The following NTRK2 variants were observed in gnomAD, a reference collection of about 807,000 sequenced individuals.
NTRK2 encodes BDNF/NT-3 growth factors receptor.
NTRK2 carries 13 observed loss-of-function variants against 94.5 expected under a neutral mutation model. The observed-to-expected ratio is 0.14, with a 90% confidence interval of 0.09 to 0.22. The LOEUF (loss-of-function observed/expected upper bound fraction) is 0.22. NTRK2 is among the 10% of genes least tolerant of loss of function. The probability of loss-of-function intolerance (pLI) is 1.00; values close to 1 mark genes in which losing one functional copy is unlikely to be tolerated. For missense variants in NTRK2, 639 were observed against 1,071.2 expected (o/e 0.60, Z 5.63); for synonymous variants, 372 against 407.4 (o/e 0.91, Z 1.05).
At chr9:84,918,446 T>C (rs1162732273) in intron 14 of NTRK2, among the ~76,000 whole-genome samples, 1 of 152,210 alleles carries the variant, frequency 6.6e-6, no homozygotes, top group Non-Finnish European at 1.5e-5. Flanking sequence ...TGACATTAGA[T>C]GCAGGGATTC....
chr9:84,908,605 A>G (rs142662719), intron 14 of NTRK2, among the ~76,000 whole-genome samples: 11 of 152,356 alleles, frequency 7.2e-5, no homozygotes, highest in African/African-American at 2.4e-4. Context: ...TAAAAACATT[A>G]AGTCAACAAA....
intron 6 of NTRK2, among the ~76,000 whole-genome samples, chr9:84,721,814 C>A (rs1027055034): frequency 1.3e-5 from 2 of 152,018 alleles, no homozygotes; most frequent in African/African-American, 4.8e-5. Flanking sequence ...GAATCTTTTT[C>A]GTAATTTTTA....
chr9:84,895,346 A>C (rs769545196), intron 14 of NTRK2, among the ~76,000 whole-genome samples: 2 of 152,196 alleles, frequency 1.3e-5, no homozygotes, highest in Admixed American at 6.5e-5. Flanking sequence ...GCAGCCTTTC[A>C]TAAAAGTCTT....
At chr9:84,766,151 G>C (rs2066003635) in intron 12 of NTRK2, among the ~76,000 whole-genome samples, 2 of 152,134 alleles carry the variant, frequency 1.3e-5, no homozygotes, top group African/African-American at 4.8e-5. Flanking sequence ...GGGCTTTGCT[G>C]TGTTTAAATA....
At chr9:84,722,714 T>C (rs117335285) in intron 6 of NTRK2, among the ~76,000 whole-genome samples, 2,253 of 152,300 alleles carry the variant, frequency 0.015, 25 homozygotes, top group Middle Eastern at 0.034. Flanking sequence ...CCACACTCAG[T>C]TGGTGTGATA....
At chr9:84,875,329 ATAGCTGG>A in intron 14 of NTRK2, 1 of 1,060,256 alleles carries the variant, frequency 9.4e-7, no homozygotes, top group Non-Finnish European at 1.1e-6. Context: ...GGGTCTGGCC[ATAGCTGG>A]CCACGTCAGA....
intron 14 of NTRK2, among the ~76,000 whole-genome samples, chr9:84,868,407 G>A (rs2075692487): frequency 6.6e-6 from 1 of 152,134 alleles, no homozygotes; most frequent in African/African-American, 2.4e-5. Context: ...TCAGATCTGT[G>A]CATATATAAG....
intron 17 of NTRK2, among the ~76,000 whole-genome samples, chr9:84,996,788 A>G (rs1829802188): frequency 6.6e-6 from 1 of 152,244 alleles, no homozygotes; most frequent in Non-Finnish European, 1.5e-5. Flanking sequence ...AGATATAGAA[A>G]GAGGTAGAGA....
chr9:85,016,676 G>A (rs368674475), intron 17 of NTRK2, among the ~76,000 whole-genome samples: 1 of 152,092 alleles, frequency 6.6e-6, no homozygotes, highest in East Asian at 1.9e-4. Flanking sequence ...TGGGGGGAGG[G>A]TCTACTTTTG....
chr9:84,865,479 G>A (rs2075548121), intron 13 of NTRK2, among the ~76,000 whole-genome samples: 1 of 152,154 alleles, frequency 6.6e-6, no homozygotes, highest in South Asian at 2.1e-4. Flanking sequence ...GGATCTTGGA[G>A]GTTGGGGGAT....
chr9:84,830,623 G>A lies in NTRK2; in HGVS notation c.1397-30417G>A, dbSNP rs559397746. 2.0e-5 allele frequency among the ~76,000 whole-genome samples: 3 copies of A among 152,106 alleles called. 1 individual carries two copies. Among genetic ancestry groups the A allele is most frequent in the African/African-American group, 7.2e-5 (3 of 41,486 alleles). On this transcript the variant is annotated intron_variant, in intron 12 of 18. Coordinates refer to ENST00000277120, the MANE Select transcript of NTRK2 (RefSeq NM_006180.6). ...TTAGCCTATAAGAGAGAAAGGAGAT[G>A]TTATAGATTATTGAACAAAATATGC...
At chr9:84,760,770 G>A (rs925037789) in intron 12 of NTRK2, among the ~76,000 whole-genome samples, 1 of 152,286 alleles carries the variant, frequency 6.6e-6, no homozygotes, top group Non-Finnish European at 1.5e-5. Context: ...GAATGGGAGG[G>A]GGATGGGACC....
At chr9:84,793,454 G>T (rs866953903) in intron 12 of NTRK2, among the ~76,000 whole-genome samples, 10 of 152,284 alleles carry the variant, frequency 6.6e-5, no homozygotes, top group Non-Finnish European at 2.9e-5. Context: ...TTGAGAGGCT[G>T]CATTTTTCAT....
chr9:84,896,513 C>T (rs997341367), intron 14 of NTRK2, among the ~76,000 whole-genome samples: 1 of 152,182 alleles, frequency 6.6e-6, no homozygotes, highest in Non-Finnish European at 1.5e-5. Context: ...GATGTTAGGC[C>T]TCAGTGGTGT....
Position 84,841,295 on chromosome 9 carries a change from G to A in NTRK2, c.1397-19745G>A, listed in dbSNP as rs547412463. Among the ~76,000 whole-genome samples the A allele has an allele frequency of 8.7e-4, 132 of 152,278 alleles. 1 individual carries two copies. The highest frequency in any genetic ancestry group is 2.2e-3 in the African/African-American group (93 of 41,554). On this transcript the variant is annotated intron_variant, in intron 12 of 18. Transcript: ENST00000277120. ...AACACAGAGCGCTGAGCTGTCCCAT[G>A]AGATGTGACCCTCCCACAATCAAAC... is the stretch of plus-strand genomic sequence containing the variant.
intron 2 of NTRK2, among the ~76,000 whole-genome samples, chr9:84,672,163 T>A (rs183131624): frequency 2.8e-4 from 43 of 152,140 alleles, no homozygotes; most frequent in Non-Finnish European, 5.1e-4. Flanking sequence ...AGATAACCTG[T>A]TTTTTAATGT....
intron 14 of NTRK2, among the ~76,000 whole-genome samples, chr9:84,900,117 C>T (rs534991679): frequency 6.6e-6 from 1 of 152,304 alleles, no homozygotes; most frequent in South Asian, 2.1e-4. Context: ...TGCACTGATT[C>T]TCTTGCTGGA....
chr9:84,817,950 C>T (rs116535768), intron 12 of NTRK2, among the ~76,000 whole-genome samples: 6 of 152,150 alleles, frequency 3.9e-5, no homozygotes, highest in Middle Eastern at 3.4e-3. Context: ...AAATGAGTGG[C>T]GTTGATGTAT....
At chr9:84,976,817 G>A (rs1445807814) in intron 17 of NTRK2, among the ~76,000 whole-genome samples, 1 of 152,066 alleles carries the variant, frequency 6.6e-6, no homozygotes, top group African/African-American at 2.4e-5. Context: ...TTTTCATGGT[G>A]GAAGCAGTGT....
Sources: gnomAD v4.1 joint callset for allele counts (sites outside exome capture counted in the v4.1 genomes callset) on GRCh38, gnomAD v4.1.1 for gene constraint, MANE v1.5 for transcripts, NCBI Gene and HGNC (gene_info 2026-07-23, HGNC 2026-07-21) for gene names.